GPC6: variants seen among roughly 807,000 people sequenced by gnomAD.
GPC6 encodes glypican-6.
A neutral mutation model predicts 55.2 loss-of-function variants in GPC6; 14 were observed. The ratio of observed to expected loss-of-function variants is 0.25; its 90% CI spans 0.17 to 0.40. The LOEUF is 0.40. Among genes scored for constraint, GPC6 ranks in the 10% least tolerant of loss-of-function variants. The pLI, the probability that GPC6 is intolerant of heterozygous loss-of-function variation, is 1.00. For synonymous variants in GPC6, 278 were observed against 259.6 expected (o/e 1.07, Z -0.68); for missense variants, 641 against 708.5 (o/e 0.90, Z 1.08).
At chr13:93,756,678 C>G (rs753630295) in intron 2 of GPC6, among the ~76,000 whole-genome samples, 1 of 152,080 alleles carries the variant, frequency 6.6e-6, no homozygotes, top group African/African-American at 2.4e-5. Flanking sequence ...ACAGAACTGG[C>G]TTTTCCCTGC....
chr13:93,682,570 T>C (rs1231686938), intron 2 of GPC6, among the ~76,000 whole-genome samples: 3 of 152,156 alleles, frequency 2.0e-5, no homozygotes, highest in African/African-American at 7.2e-5. Flanking sequence ...CATATGTCTA[T>C]AAAACAACTG....
rs77881449 is a variant in GPC6 at position 94,293,785 on chromosome 13, G to A, written c.1008+7306G>A. Among the ~76,000 whole-genome samples the A allele has an allele frequency of 5.3e-4, 80 of 152,262 alleles. 1 individual carries two copies. In the East Asian group the frequency reaches 0.015, roughly 28 times the overall value. On this transcript the variant is annotated intron_variant, in intron 5 of 8. Coordinates refer to ENST00000377047, the MANE Select transcript of GPC6 (RefSeq NM_005708.5). ...GTGGTGTAACGGGGATTGCAGCCCA[G>A]GTCTGTCAGATTCAAAGACAAAGAC...
chr13:93,751,265 G>A (rs980648694), intron 2 of GPC6, among the ~76,000 whole-genome samples: 1 of 152,116 alleles, frequency 6.6e-6, no homozygotes, highest in Non-Finnish European at 1.5e-5. Flanking sequence ...TGAAATCAGA[G>A]GAATGTAGGG....
At chr13:94,149,747 C>G (rs1887674389) in intron 4 of GPC6, among the ~76,000 whole-genome samples, 1 of 152,062 alleles carries the variant, frequency 6.6e-6, no homozygotes, top group African/African-American at 2.4e-5. Context: ...AGAAGAAATA[C>G]AGGAAGGGTT....
At chr13:94,225,928 C>T (rs1890543329) in intron 4 of GPC6, among the ~76,000 whole-genome samples, 1 of 152,060 alleles carries the variant, frequency 6.6e-6, no homozygotes, top group South Asian at 2.1e-4. Context: ...ACTGTCTGGC[C>T]TTACATACAT....
intron 3 of GPC6, among the ~76,000 whole-genome samples, chr13:93,895,639 A>G (rs1240994986): frequency 6.6e-6 from 1 of 151,944 alleles, no homozygotes; most frequent in South Asian, 2.1e-4. Context: ...ATATCAGACA[A>G]TATCTTGTTT....
Position 93,830,424 on chromosome 13 carries a change from T to A in GPC6, c.590T>A (p.Leu197His). Residue 197 changes from leucine to histidine, a missense_variant, in exon 3 of 9, where the codon CTC (leucine) becomes CAC (histidine). Leu to His is a moderately conservative substitution (Grantham distance 99, BLOSUM62 -3). Transcript: ENST00000377047. ...LECVSKYTDQ[L>H]KPFGDVPRKL... The stretch of plus-strand genomic sequence containing the variant: ...TGTGTGAGCAAATACACTGACCAGC[T>A]CAAGCCATTTGGAGACGTGCCCCGG... 6.2e-7 allele frequency: 1 copy of A among 1,613,834 alleles called. No individual in the cohort carries two copies. The highest frequency in any genetic ancestry group is 8.5e-7 in the Non-Finnish European group (1 of 1,179,930).
At chr13:93,638,446 T>C (rs1343418321) in intron 2 of GPC6, among the ~76,000 whole-genome samples, 1 of 152,126 alleles carries the variant, frequency 6.6e-6, no homozygotes, top group East Asian at 1.9e-4. Flanking sequence ...GCCAAAACTG[T>C]TTTCACTTAA....
At chr13:94,087,112 C>G (rs1407682397) in intron 4 of GPC6, among the ~76,000 whole-genome samples, 1 of 152,186 alleles carries the variant, frequency 6.6e-6, no homozygotes, top group African/African-American at 2.4e-5. Context: ...GTGAAGAAAG[C>G]TCCAATCCCA....
At chr13:94,039,261 GT>G (rs1182101489) in intron 4 of GPC6, among the ~76,000 whole-genome samples, 4 of 151,880 alleles carry the variant, frequency 2.6e-5, no homozygotes, top group Admixed American at 2.0e-4. Flanking sequence ...AAGGCACAGG[GT>G]TTTTTTATCC....
intron 3 of GPC6, among the ~76,000 whole-genome samples, chr13:93,959,004 C>G (rs1430907675): frequency 6.6e-6 from 1 of 152,128 alleles, no homozygotes; most frequent in Non-Finnish European, 1.5e-5. Context: ...AGAAATGCTA[C>G]TGACTTTTGT....
At chr13:93,454,147 G>A (rs1247567801) in intron 1 of GPC6, among the ~76,000 whole-genome samples, 1 of 149,856 alleles carries the variant, frequency 6.7e-6, no homozygotes, top group Non-Finnish European at 1.5e-5. Context: ...CACAAACCCT[G>A]AGCTAGACAC....
intron 3 of GPC6, among the ~76,000 whole-genome samples, chr13:93,902,077 TTC>T (rs1367071960): frequency 2.6e-5 from 4 of 151,966 alleles, no homozygotes; most frequent in Non-Finnish European, 4.4e-5. Context: ...ACATTCAAAA[TTC>T]TCTCTTTTAG....
intron 3 of GPC6, among the ~76,000 whole-genome samples, chr13:93,998,163 C>T (rs9524307): frequency 0.13 from 19,747 of 152,218 alleles, 1,502 homozygotes; most frequent in East Asian, 0.26. Flanking sequence ...TATGCAGTAG[C>T]ATGCTATTGC....
chr13:93,835,796 A>G (rs529571424), intron 3 of GPC6, among the ~76,000 whole-genome samples: 1 of 152,280 alleles, frequency 6.6e-6, no homozygotes, highest in Non-Finnish European at 1.5e-5. Flanking sequence ...TTAAGAAGTG[A>G]CCTCTATGAG....
intron 2 of GPC6, among the ~76,000 whole-genome samples, chr13:93,575,216 G>A (rs1320653858): frequency 6.6e-6 from 1 of 152,072 alleles, no homozygotes; most frequent in Non-Finnish European, 1.5e-5. Context: ...GCTTGAACCC[G>A]GGAGGCGGAG....
chr13:93,817,900 A>C (rs1218607805), intron 2 of GPC6, among the ~76,000 whole-genome samples: 1 of 149,368 alleles, frequency 6.7e-6, no homozygotes, highest in Non-Finnish European at 1.5e-5. Context: ...ATAGATATAA[A>C]TTTATAAAAA....
At chr13:93,942,185 A>G (rs1323837281) in intron 3 of GPC6, among the ~76,000 whole-genome samples, 1 of 152,234 alleles carries the variant, frequency 6.6e-6, no homozygotes, top group Non-Finnish European at 1.5e-5. Flanking sequence ...TGAATTAGTC[A>G]TCTATTACTT....
intron 4 of GPC6, among the ~76,000 whole-genome samples, chr13:94,270,981 T>G (rs1891980967): frequency 9.1e-6 from 1 of 110,042 alleles, no homozygotes; most frequent in Non-Finnish European, 1.9e-5. Flanking sequence ...TTTTTTTTTT[T>G]TTTTTTTTTT....
Sources: gnomAD v4.1 joint callset for allele counts (sites outside exome capture counted in the v4.1 genomes callset) on GRCh38, gnomAD v4.1.1 for gene constraint, MANE v1.5 for transcripts, NCBI Gene and HGNC (gene_info 2026-07-23, HGNC 2026-07-21) for gene names.